Variants in GDAP1 observed in about 807,000 individuals in gnomAD.
GDAP1 encodes the protein ganglioside induced differentiation associated protein 1, also known as ganglioside-induced differentiation-associated protein 1.
GDAP1 carries 34 observed loss-of-function variants against 40.1 expected under a neutral mutation model. That is an observed-to-expected ratio of 0.85 (90% CI 0.64 to 1.13). GDAP1 has a LOEUF of 1.13. GDAP1 is among the 50% of genes most tolerant of loss of function. The probability of loss-of-function intolerance (pLI) is 0.00; values close to 1 mark genes in which losing one functional copy is unlikely to be tolerated. For missense variants in GDAP1, 374 were observed against 433.7 expected, an observed-to-expected ratio of 0.86 and a Z score of 1.22; for synonymous variants, 170 against 157.4, an observed-to-expected ratio of 1.08 and a Z score of -0.60.
At chr8:74,386,696 A>G (rs1810030533) in intron 2 of GDAP1, among the ~76,000 whole-genome samples, 1 of 152,100 alleles carries the variant, frequency 6.6e-6, no homozygotes, top group Non-Finnish European at 1.5e-5. Flanking sequence ...ATGAAATTTA[A>G]AGTAGTTTTC....
intron 5 of GDAP1, among the ~76,000 whole-genome samples, chr8:74,363,606 G>T (rs1809477271): frequency 6.6e-6 from 1 of 152,206 alleles, no homozygotes; most frequent in Admixed American, 6.5e-5. Flanking sequence ...TGATGTTTCA[G>T]ACTCAGCTTT....
chr8:74,364,758 G>C lies in GDAP1; in HGVS notation c.*391G>C. ...CTTCTGTAATTGAGAACTCTTAGGAGAGGACTAGGGAATCACTGGGGATAG... is the reference window on the plus strand; with the variant it reads ...CTTCTGTAATTGAGAACTCTTAGGACAGGACTAGGGAATCACTGGGGATAG... On this transcript the variant is annotated 3_prime_UTR_variant, in exon 6 of 6. Coordinates refer to ENST00000220822, the MANE Select transcript of GDAP1 (RefSeq NM_018972.4). 2.2e-6 allele frequency: 1 copy of C among 459,182 alleles called. No individual in the cohort carries two copies. 28.4% of individuals were successfully genotyped at this position (459,182 alleles called of 1,614,324 possible). A position where few individuals can be genotyped will look rare whatever the true frequency, so the allele number is the denominator to read the frequency against.
chr8:74,359,229 C>A (rs1193791845), intron 2 of GDAP1, among the ~76,000 whole-genome samples: 1 of 152,178 alleles, frequency 6.6e-6, no homozygotes, highest in Non-Finnish European at 1.5e-5. Flanking sequence ...GCCCTTGTAT[C>A]TGAGTGTACA....
At chr8:74,464,787 G>A (rs187514419) in intron 2 of GDAP1, among the ~76,000 whole-genome samples, 51 of 151,960 alleles carry the variant, frequency 3.4e-4, no homozygotes, top group African/African-American at 1.1e-3. Context: ...TTAGGGAAAG[G>A]GATATTAATT....
At chr8:74,378,966 T>C (rs1809904875) in intron 2 of GDAP1, among the ~76,000 whole-genome samples, 1 of 152,198 alleles carries the variant, frequency 6.6e-6, no homozygotes. Flanking sequence ...GGGAATTTCA[T>C]AGTCCCTGGT....
chr8:74,453,181 G>A lies in GDAP1; in HGVS notation c.166-35497G>A, dbSNP rs1357502479. ...ACCTTTAGTGAGCAGCAGCTATAAC[G>A]TAGTGTTAATTTCAGGGGCAAACAT... On this transcript the variant is annotated intron_variant, in intron 2 of 2. Transcript: ENST00000523640. 4.8e-5 allele frequency among the ~76,000 whole-genome samples: 4 copies of A among 83,644 alleles called. 2 individuals carry two copies. Among genetic ancestry groups the A allele is most frequent in the Non-Finnish European group, 9.7e-5 (4 of 41,108 alleles). The allele number at this position is 83,644 out of a possible 152,430, so 54.9% of individuals were successfully genotyped here.
intron 2 of GDAP1, among the ~76,000 whole-genome samples, chr8:74,396,963 G>C (rs1348900007): frequency 6.6e-6 from 1 of 152,160 alleles, no homozygotes; most frequent in East Asian, 1.9e-4. Flanking sequence ...CCAGTTTACA[G>C]TCCCACCAAC....
intron 2 of GDAP1, among the ~76,000 whole-genome samples, chr8:74,486,095 G>T (rs753889053): frequency 2.6e-5 from 4 of 152,124 alleles, no homozygotes; most frequent in Non-Finnish European, 4.4e-5. Context: ...CCATTCCATG[G>T]GGGCATAGTT....
intron 2 of GDAP1, among the ~76,000 whole-genome samples, chr8:74,465,954 C>T (rs760151273): frequency 1.3e-5 from 2 of 152,280 alleles, no homozygotes; most frequent in East Asian, 3.9e-4. Context: ...AATTGAAGAA[C>T]ATTTTAATTT....
chr8:74,407,647 TC>T (rs1324422954), intron 2 of GDAP1, among the ~76,000 whole-genome samples: 1 of 149,852 alleles, frequency 6.7e-6, no homozygotes, highest in Non-Finnish European at 1.5e-5. Context: ...TTACTAAACT[TC>T]CATTCATTCA....
At chr8:74,469,415 T>C (rs969449414) in intron 2 of GDAP1, among the ~76,000 whole-genome samples, 4 of 152,200 alleles carry the variant, frequency 2.6e-5, no homozygotes, top group African/African-American at 9.6e-5. Context: ...ACGCCTGTAA[T>C]CCCAGCACTT....
chr8:74,449,384 A>G (rs1806270021), intron 2 of GDAP1, among the ~76,000 whole-genome samples: 1 of 151,780 alleles, frequency 6.6e-6, no homozygotes, highest in Admixed American at 6.6e-5. Context: ...TTAGATTTTG[A>G]TAGGAGTTAC....
At chr8:74,422,844 C>G (rs1805895598) in intron 2 of GDAP1, among the ~76,000 whole-genome samples, 1 of 151,528 alleles carries the variant, frequency 6.6e-6, no homozygotes, top group Non-Finnish European at 1.5e-5. Flanking sequence ...CCTGGGATCA[C>G]CAGACTTGCA....
intron 2 of GDAP1, among the ~76,000 whole-genome samples, chr8:74,416,929 G>GT (rs71269992): frequency 0.5 from 66,833 of 134,076 alleles, 17,354 homozygotes; most frequent in South Asian, 0.63. Context: ...TTTGTTTTTT[G>GT]TTTTTTTTTT....
At chr8:74,358,484 TG>T (rs771839743) in intron 2 of GDAP1, among the ~76,000 whole-genome samples, 27 of 152,212 alleles carry the variant, frequency 1.8e-4, no homozygotes, top group Non-Finnish European at 3.4e-4. Flanking sequence ...AGAGAGCATT[TG>T]TTTATGTGGA....
At chr8:74,379,878 T>C (rs1302586798) in intron 2 of GDAP1, among the ~76,000 whole-genome samples, 2 of 152,066 alleles carry the variant, frequency 1.3e-5, no homozygotes, top group Non-Finnish European at 2.9e-5. Context: ...ATTTTAGGGG[T>C]CAAGTGATCT....
intron 2 of GDAP1, among the ~76,000 whole-genome samples, chr8:74,459,376 A>T (rs1485094469): frequency 2.0e-5 from 3 of 152,206 alleles, no homozygotes; most frequent in Non-Finnish European, 4.4e-5. Context: ...CTCAATCTTG[A>T]GTGTGCATAA....
At chr8:74,456,720 G>A (rs1433699900) in intron 2 of GDAP1, among the ~76,000 whole-genome samples, 1 of 151,818 alleles carries the variant, frequency 6.6e-6, no homozygotes, top group African/African-American at 2.4e-5. Context: ...ACAACTGATA[G>A]GAAACCCACT....
At chr8:74,392,640 G>A (rs920025056) in intron 2 of GDAP1, among the ~76,000 whole-genome samples, 1 of 152,218 alleles carries the variant, frequency 6.6e-6, no homozygotes, top group Non-Finnish European at 1.5e-5. Context: ...TCCTGGAAAT[G>A]GATGTGGAGC....
Sources: gnomAD v4.1 joint callset for allele counts (sites outside exome capture counted in the v4.1 genomes callset) on GRCh38, gnomAD v4.1.1 for gene constraint, MANE v1.5 for transcripts, NCBI Gene and HGNC (gene_info 2026-07-23, HGNC 2026-07-21) for gene names.